Variants in MAPK3 observed in about 807,000 individuals in gnomAD.
MAPK3 encodes the protein mitogen-activated protein kinase 3, also known as MAPK 1.
Under a neutral mutation model 41.8 loss-of-function variants are expected in MAPK3, and 30 were observed. The observed-to-expected ratio is 0.72, with a 90% CI of 0.54 to 0.97. The LOEUF is 0.97. Ranked by LOEUF, MAPK3 falls within the 50% of genes least tolerant of loss-of-function variation. The pLI, the probability that MAPK3 is intolerant of heterozygous loss-of-function variation, is 0.00. For missense variants in MAPK3, 413 were observed against 509.9 expected, an observed-to-expected ratio of 0.81 and a Z score of 1.83; for synonymous variants, 222 against 213.4, an observed-to-expected ratio of 1.04 and a Z score of -0.35.
rs1196812695 is a variant in MAPK3 at position 30,121,986 on chromosome 16, C to T, written c.191G>A (p.Arg64His). Residue 64 changes from arginine to histidine, a missense_variant, in exon 2 of 9, where the codon CGC becomes CAC. Physicochemically the swap from Arg to His is conservative, Grantham distance 29 (BLOSUM62 0). Coordinates refer to ENST00000263025, the MANE Select transcript of MAPK3 (RefSeq NM_002746.3). Reference protein sequence around the residue: ...GMVSSAYDHVRKTRVAIKKIS... With the variant: ...GMVSSAYDHVHKTRVAIKKIS... ...CTTCTTGATGGCCACGCGAGTCTTG[C>T]GCACGTGGTCATAGGCCGAGCTGAG... The T allele has an allele frequency of 1.9e-6, 3 of 1,614,088 alleles. No homozygotes were observed. The highest frequency in any genetic ancestry group is 8.5e-7 in the Non-Finnish European group (1 of 1,180,032).
chr16:30,117,566 C>G, intron 5 of MAPK3, 104 bp downstream of exon 5: 5 of 892,576 alleles, frequency 5.6e-6, no homozygotes, highest in Non-Finnish European at 9.4e-6. Context: ...CCATGAGATG[C>G]TGGAGGCACC....
chr16:30,118,534 T>C lies in MAPK3; in HGVS notation c.358A>G (p.Ile120Val), dbSNP rs767419781. The change falls in exon 3 of 9, where the codon ATT becomes GTT. Residue 120 changes from isoleucine (I) to valine (V), a missense_variant. Physicochemically the swap from Ile to Val is conservative, Grantham distance 29 (BLOSUM62 3). Coordinates refer to ENST00000263025, the MANE Select transcript of MAPK3 (RefSeq NM_002746.3). ...STLEAMRDVY[I>V]VQDLMETDLY... Reference sequence around the variant, plus strand: ...TCAGTCTCCATCAGGTCCTGCACAATGTAGCTGAGGATGGTTCCGCAGACC... The same window carrying C: ...TCAGTCTCCATCAGGTCCTGCACAACGTAGCTGAGGATGGTTCCGCAGACC... 1.2e-6 allele frequency: 2 copies of C among 1,611,994 alleles called. No individual in the cohort carries two copies. The highest frequency in any genetic ancestry group is 8.5e-7 in the Non-Finnish European group (1 of 1,178,984).
chr16:30,123,172 T>TGCCCCCCC lies in MAPK3; in HGVS notation c.37_38insGGGGGGGC (p.Glu13GlyfsTer22). ...GCCGACCCCCTCGGTTCTACGGGGC[T>TGCCCCCCC]CCCCGCCCCCGCCCCCCTGAGCCGC... On this transcript the variant is annotated frameshift_variant, in exon 1 of 9. Coordinates refer to ENST00000263025, the MANE Select transcript of MAPK3 (RefSeq NM_002746.3). LOFTEE classifies it high-confidence loss of function. 2 of 1,322,480 alleles carry TGCCCCCCC rather than the reference T, an allele frequency of 1.5e-6. No individual in the cohort carries two copies. Among genetic ancestry groups the TGCCCCCCC allele is most frequent in the Non-Finnish European group, 2.0e-6 (2 of 991,972 alleles). 81.9% of individuals were successfully genotyped at this position (1,322,480 alleles called of 1,614,324 possible). A position where few individuals can be genotyped will look rare whatever the true frequency, so the allele number is the denominator to read the frequency against.
rs2072971897 is a variant in MAPK3 at position 30,117,701 on chromosome 16, CT to C, written c.743del (p.Lys248SerfsTer22). ...TGTGGTTGAGCTGATCCAGGTAGTGCTTGCCAGGGAAGATGGGCCGGTTAGA... is the reference window on the plus strand; with the variant it reads ...TGTGGTTGAGCTGATCCAGGTAGTGCTGCCAGGGAAGATGGGCCGGTTAGA... ...MLSNRPIFPG[K>X]HYLDQLNHIL... On this transcript the variant is annotated frameshift_variant, in exon 5 of 9. Coordinates refer to ENST00000263025, the MANE Select transcript of MAPK3 (RefSeq NM_002746.3). LOFTEE classifies it high-confidence loss of function. The C allele has an allele frequency of 6.2e-7, 1 of 1,613,982 alleles. No homozygotes were observed. Among genetic ancestry groups the C allele is most frequent in the Non-Finnish European group, 8.5e-7 (1 of 1,179,970 alleles).
In MAPK3 at chr16:30,121,920, A is replaced by G; in HGVS notation, c.257T>C (p.Leu86Pro). 6.2e-7 allele frequency: 1 copy of G among 1,614,096 alleles called. No homozygotes were observed. The highest frequency in any genetic ancestry group is 8.5e-7 in the Non-Finnish European group (1 of 1,180,012). ...GCGCAGCAGGATCTGGATCTCCCGGAGCGTGCGCTGGCAGTAGGTCTGATG... is the reference window on the plus strand; with the variant it reads ...GCGCAGCAGGATCTGGATCTCCCGGGGCGTGCGCTGGCAGTAGGTCTGATG... ...FEHQTYCQRT[L>P]REIQILLRFR... Residue 86 changes from leucine (L) to proline (P), a missense_variant, in exon 2 of 9, where the codon CTC becomes CCC. This residue lies in a region of MAPK3 where 145 missense variants were observed against 133.0 expected (regional missense o/e 1.09). Transcript: ENST00000263025.
chr16:30,116,488 C>T (rs548621702), intron 8 of MAPK3, 148 bp downstream of exon 8: 2 of 892,218 alleles, frequency 2.2e-6, no homozygotes, highest in East Asian at 5.2e-5. Context: ...GCCCCCTGGG[C>T]ACTTCTGTTG....
rs775053127 is a variant in MAPK3 at position 30,123,133 on chromosome 16, C to T, written c.77G>A (p.Gly26Glu). 6.5e-7 allele frequency: 1 copy of T among 1,550,084 alleles called. No homozygotes were observed. The highest frequency in any genetic ancestry group is 1.2e-5 in the South Asian group (1 of 84,660). Residue 26 changes from glycine to glutamate, a missense_variant, in exon 1 of 9, where the codon GGG becomes GAG. Physicochemically the swap from Gly to Glu is moderately conservative, Grantham distance 98. Coordinates refer to ENST00000263025, the MANE Select transcript of MAPK3 (RefSeq NM_002746.3). ...CTGCCCCTTCACCATCTCCACCTCC[C>T]CCGGGACCCCCGGGCCGACCCCCTC... ...RTEGVGPGVP[G>E]EVEMVKGQPF...
At position 30,118,223 on chromosome 16, in the gene MAPK3, C is replaced by T. The variant is rs2072979573; in HGVS notation, c.544-60G>A. On this transcript the variant is annotated intron_variant, in intron 3 of 8. Transcript: ENST00000263025. ...AAGGCCTCTGCAGCCTAAGCAGTCACGCCCCCTTGTCTTTGCCTCCACTGT... is the reference window on the plus strand; with the variant it reads ...AAGGCCTCTGCAGCCTAAGCAGTCATGCCCCCTTGTCTTTGCCTCCACTGT... 2.0e-5 allele frequency: 32 copies of T among 1,576,060 alleles called. 1 individual carries two copies. In the South Asian group the frequency reaches 3.0e-4, roughly 15 times the overall value.
Position 30,123,183 on chromosome 16 carries a change from G to GC in MAPK3, c.26dup (p.Gly10ArgfsTer7). ...CGGTTCTACGGGGCTCCCCGCCCCC[G>GC]CCCCCCTGAGCCGCCGCCGCCGCCA... On this transcript the variant is annotated frameshift_variant, in exon 1 of 9. Coordinates refer to ENST00000263025, the MANE Select transcript of MAPK3 (RefSeq NM_002746.3). LOFTEE classifies it high-confidence loss of function. 4.0e-6 allele frequency: 2 copies of GC among 496,744 alleles called. No homozygotes were observed. Among genetic ancestry groups the GC allele is most frequent in the South Asian group, 2.6e-5 (1 of 39,064 alleles). The allele number at this position is 496,744 out of a possible 1,614,324, so 30.8% of individuals were successfully genotyped here.
chr16:30,121,933 A>T lies in MAPK3; in HGVS notation c.244T>A (p.Cys82Ser). 6.2e-7 allele frequency: 1 copy of T among 1,614,168 alleles called. No homozygotes were observed. Among genetic ancestry groups the T allele is most frequent in the Non-Finnish European group, 8.5e-7 (1 of 1,180,038 alleles). Reference sequence around the variant, plus strand: ...TGGATCTCCCGGAGCGTGCGCTGGCAGTAGGTCTGATGTTCGAAGGGGCTG... The same window carrying T: ...TGGATCTCCCGGAGCGTGCGCTGGCTGTAGGTCTGATGTTCGAAGGGGCTG... Reference protein sequence around the residue: ...KISPFEHQTYCQRTLREIQIL... With the variant: ...KISPFEHQTYSQRTLREIQIL... The change falls in exon 2 of 9, where the codon TGC becomes AGC. Residue 82 changes from cysteine (C) to serine (S), a missense_variant. Physicochemically the swap from Cys to Ser is moderately radical, Grantham distance 112 (BLOSUM62 -1). This residue lies in a region of MAPK3 where 145 missense variants were observed against 133.0 expected (regional missense o/e 1.09). Transcript: ENST00000263025.
At position 30,121,969 on chromosome 16, in the gene MAPK3, T is replaced by C. The variant is rs746736375; in HGVS notation, c.208A>G (p.Ile70Val). ...TGTTCGAAGGGGCTGATCTTCTTGA[T>C]GGCCACGCGAGTCTTGCGCACGTGG... ...YDHVRKTRVAIKKISPFEHQT... is the reference protein window; with the variant it reads ...YDHVRKTRVAVKKISPFEHQT... Residue 70 changes from isoleucine (I) to valine (V), a missense_variant, in exon 2 of 9, where the codon ATC (isoleucine) becomes GTC (valine). Ile to Val is a conservative substitution (Grantham distance 29, BLOSUM62 3). This residue lies in a region of MAPK3 where 145 missense variants were observed against 133.0 expected (regional missense o/e 1.09). Coordinates refer to ENST00000263025, the MANE Select transcript of MAPK3 (RefSeq NM_002746.3). 1 of 1,614,150 alleles carries C rather than the reference T, an allele frequency of 6.2e-7. No individual in the cohort carries two copies. Among genetic ancestry groups the C allele is most frequent in the South Asian group, 1.1e-5 (1 of 91,084 alleles).
intron 4 of MAPK3, 23 bp from the exon 5 acceptor site, chr16:30,117,807 G>A (rs1367464470): frequency 6.4e-7 from 1 of 1,565,290 alleles, no homozygotes; most frequent in South Asian, 1.1e-5. Context: ...AGGAAGTGGT[G>A]AGCTCCTGGG....
Position 30,121,936 on chromosome 16 carries a change from A to G in MAPK3, c.241T>C (p.Tyr81His), listed in dbSNP as rs1297705239. 6.2e-7 allele frequency: 1 copy of G among 1,614,142 alleles called. No individual in the cohort carries two copies. The highest frequency in any genetic ancestry group is 1.1e-5 in the South Asian group (1 of 91,080). Residue 81 changes from tyrosine to histidine, a missense_variant, in exon 2 of 9, where the codon TAC becomes CAC. Tyr to His is a moderately conservative substitution (Grantham distance 83). This residue lies in a region of MAPK3 where 145 missense variants were observed against 133.0 expected (regional missense o/e 1.09). Transcript: ENST00000263025. The stretch of plus-strand genomic sequence containing the variant: ...ATCTCCCGGAGCGTGCGCTGGCAGT[A>G]GGTCTGATGTTCGAAGGGGCTGATC... The part of the protein sequence containing the change: ...KKISPFEHQT[Y>H]CQRTLREIQI...
At position 30,115,870 on chromosome 16, in the gene MAPK3, C is replaced by A. The variant is rs1214929991; in HGVS notation, c.*32+766G>T. 1.3e-5 allele frequency: 2 copies of A among 152,134 alleles called. 1 individual carries two copies. Among genetic ancestry groups the A allele is most frequent in the African/African-American group, 4.8e-5 (2 of 41,262 alleles). 9.4% of individuals were successfully genotyped at this position (152,134 alleles called of 1,614,324 possible). A position where few individuals can be genotyped will look rare whatever the true frequency, so the allele number is the denominator to read the frequency against. The stretch of plus-strand genomic sequence containing the variant: ...TCCTGGGTTCAAGCAATTCTCCTGC[C>A]TCAGCCTCCTGAGTAGCTGGGATTA... On this transcript the variant is annotated intron_variant, in intron 8 of 8. Transcript: ENST00000263025.
chr16:30,120,454 A>C (rs1055092003), intron 2 of MAPK3, among the ~76,000 whole-genome samples: 1 of 152,150 alleles, frequency 6.6e-6, no homozygotes, highest in African/African-American at 2.4e-5. Context: ...TAAGTTGCTA[A>C]GGAGAGCCAG....
chr16:30,117,094 C>T, intron 6 of MAPK3, 60 bp downstream of exon 6: 3 of 1,606,642 alleles, frequency 1.9e-6, no homozygotes, highest in Non-Finnish European at 2.6e-6. Context: ...GGCTGCTGGG[C>T]TCACACACCC....
chr16:30,117,047 A>G, intron 6 of MAPK3, 44 bp from the exon 7 acceptor site: 1 of 1,591,912 alleles, frequency 6.3e-7, no homozygotes, highest in African/African-American at 1.3e-5. Context: ...AGACTGGAGG[A>G]GCTCCGAGAA....
At chr16:30,117,865 G>C in intron 4 of MAPK3, 81 bp from the exon 5 acceptor site, 1 of 1,225,174 alleles carries the variant, frequency 8.2e-7, no homozygotes, top group East Asian at 2.3e-5. Context: ...CCACCTCCAA[G>C]TTAGATCCAA....
chr16:30,116,571 T>C, intron 8 of MAPK3, 65 bp downstream of exon 8: 4 of 1,491,544 alleles, frequency 2.7e-6, no homozygotes, highest in Non-Finnish European at 3.6e-6. Flanking sequence ...TAGATATAGA[T>C]ATAGATATAC....
Sources: allele counts gnomAD v4.1 joint callset (sites outside exome capture counted in the v4.1 genomes callset), GRCh38; gene constraint gnomAD v4.1.1; regional missense constraint gnomAD v4.1.1; transcripts MANE v1.5; gene names NCBI Gene and HGNC (gene_info 2026-07-23, HGNC 2026-07-21).